KIAA1328: variants seen among roughly 807,000 people sequenced by gnomAD.
KIAA1328 encodes the protein protein hinderin.
A neutral mutation model predicts 68.1 loss-of-function variants in KIAA1328; 52 were observed. The ratio of observed to expected loss-of-function variants is 0.76; its 90% CI spans 0.61 to 0.96. The LOEUF is 0.96. KIAA1328 is among the 40% of genes least tolerant of loss of function. The probability of loss-of-function intolerance (pLI) is 0.00; values close to 1 mark genes in which losing one functional copy is unlikely to be tolerated. For synonymous variants in KIAA1328, 232 were observed against 239.4 expected (o/e 0.97, Z 0.28); for missense variants, 641 against 677.6 (o/e 0.95, Z 0.60).
chr18:36,931,479 C>T (rs770040408), intron 5 of KIAA1328, among the ~76,000 whole-genome samples: 6 of 151,908 alleles, frequency 3.9e-5, no homozygotes, highest in Non-Finnish European at 5.9e-5. Context: ...ACTGTTCCCC[C>T]GACCATACCA....
intron 6 of KIAA1328, among the ~76,000 whole-genome samples, chr18:37,034,162 G>A (rs972112133): frequency 2.0e-5 from 3 of 152,152 alleles, no homozygotes; most frequent in Non-Finnish European, 4.4e-5. Flanking sequence ...AGAGGAAAGT[G>A]TATCATGGGC....
At chr18:37,166,634 T>C (rs1568487457) in intron 8 of KIAA1328, among the ~76,000 whole-genome samples, 1 of 152,178 alleles carries the variant, frequency 6.6e-6, no homozygotes, top group Admixed American at 6.5e-5. Context: ...GAGCAGACCC[T>C]GTTCTCAAGG....
At chr18:37,144,727 G>A (rs950853904) in intron 7 of KIAA1328, among the ~76,000 whole-genome samples, 3 of 151,742 alleles carry the variant, frequency 2.0e-5, no homozygotes, top group South Asian at 2.1e-4. Flanking sequence ...TTGGGGTTTC[G>A]CCATGTTGCC....
intron 7 of KIAA1328, among the ~76,000 whole-genome samples, chr18:37,116,290 A>G (rs1481477126): frequency 6.6e-6 from 1 of 152,236 alleles, no homozygotes; most frequent in Admixed American, 6.5e-5. Flanking sequence ...CCAAAACAGC[A>G]TGGTACTGGT....
chr18:37,127,906 C>T (rs995883518), intron 7 of KIAA1328, among the ~76,000 whole-genome samples: 1 of 151,682 alleles, frequency 6.6e-6, no homozygotes, highest in African/African-American at 2.4e-5. Context: ...AGAAATAGGC[C>T]CACATATATA....
chr18:37,060,989 C>G (rs1452030523), intron 6 of KIAA1328, among the ~76,000 whole-genome samples: 2 of 152,212 alleles, frequency 1.3e-5, no homozygotes, highest in East Asian at 1.9e-4. Flanking sequence ...GTGGTGTGTG[C>G]CTGTAGTCCC....
chr18:37,041,199 A>C (rs1378085034), intron 6 of KIAA1328, among the ~76,000 whole-genome samples: 4 of 151,846 alleles, frequency 2.6e-5, no homozygotes, highest in African/African-American at 7.2e-5. Flanking sequence ...CAATTTTGTC[A>C]ATTTTTATTT....
At chr18:36,992,766 G>A (rs1424727827) in intron 6 of KIAA1328, among the ~76,000 whole-genome samples, 1 of 152,134 alleles carries the variant, frequency 6.6e-6, no homozygotes, top group Non-Finnish European at 1.5e-5. Flanking sequence ...GGCAGAGGGT[G>A]TAGCAGGTAT....
intron 6 of KIAA1328, among the ~76,000 whole-genome samples, chr18:37,055,447 G>A (rs2055870889): frequency 6.6e-6 from 1 of 152,210 alleles, no homozygotes; most frequent in African/African-American, 2.4e-5. Context: ...CATATGCTTA[G>A]AAGGTAATCT....
chr18:37,155,331 T>C (rs1416898067), intron 7 of KIAA1328, among the ~76,000 whole-genome samples: 2 of 152,200 alleles, frequency 1.3e-5, no homozygotes. Context: ...AATTACTTTC[T>C]TGAAATATCT....
intron 3 of KIAA1328, among the ~76,000 whole-genome samples, chr18:36,842,005 A>G (rs1230645007): frequency 3.5e-5 from 5 of 144,750 alleles, no homozygotes; most frequent in African/African-American, 1.3e-4. Flanking sequence ...ATTTCTTTTC[A>G]CCGTCTCGGG....
intron 8 of KIAA1328, among the ~76,000 whole-genome samples, chr18:37,167,624 C>T (rs2154212868): frequency 6.6e-6 from 1 of 152,114 alleles, no homozygotes; most frequent in South Asian, 2.1e-4. Flanking sequence ...CCGCTCCTCT[C>T]GATGTCCAGC....
At chr18:37,205,288 C>T (rs2060196331) in intron 9 of KIAA1328, among the ~76,000 whole-genome samples, 1 of 152,132 alleles carries the variant, frequency 6.6e-6, no homozygotes, top group Admixed American at 6.6e-5. Flanking sequence ...ACAAAAGCTG[C>T]CGTGGGGATA....
chr18:36,953,425 T>C (rs903089939), intron 5 of KIAA1328, among the ~76,000 whole-genome samples: 1 of 149,072 alleles, frequency 6.7e-6, no homozygotes, highest in African/African-American at 2.4e-5. Flanking sequence ...TAGATAGAGA[T>C]AGATAGATAT....
chr18:37,114,401 G>A (rs2151912214), intron 7 of KIAA1328, among the ~76,000 whole-genome samples: 1 of 152,328 alleles, frequency 6.6e-6, no homozygotes, highest in Middle Eastern at 3.4e-3. Flanking sequence ...ACCTGCTCCT[G>A]AGTGACTACT....
intron 7 of KIAA1328, among the ~76,000 whole-genome samples, chr18:37,094,046 A>G (rs998178813): frequency 3.3e-5 from 5 of 152,244 alleles, no homozygotes; most frequent in Admixed American, 1.3e-4. Flanking sequence ...TGTGGGGAGG[A>G]TGGTTTTGGG....
chr18:36,977,357 G>A (rs2052511000), intron 6 of KIAA1328, among the ~76,000 whole-genome samples: 1 of 152,126 alleles, frequency 6.6e-6, no homozygotes, highest in African/African-American at 2.4e-5. Context: ...TGTTGATTTT[G>A]TCAATCTATT....
chr18:36,849,466 G>C (rs987296386), intron 4 of KIAA1328, among the ~76,000 whole-genome samples: 6 of 151,822 alleles, frequency 4.0e-5, no homozygotes, highest in Non-Finnish European at 7.4e-5. Context: ...TCTGTTTTCT[G>C]TCTCTAAGGA....
intron 3 of KIAA1328, among the ~76,000 whole-genome samples, chr18:36,841,934 T>TC (rs986310596): frequency 5.3e-5 from 8 of 152,222 alleles, no homozygotes; most frequent in Non-Finnish European, 1.0e-4. Flanking sequence ...TGTTTTTTTT[T>TC]CCCTCTATGG....
Sources: gnomAD v4.1 joint callset for allele counts (sites outside exome capture counted in the v4.1 genomes callset) on GRCh38, gnomAD v4.1.1 for gene constraint, MANE v1.5 for transcripts, NCBI Gene and HGNC (gene_info 2026-07-23, HGNC 2026-07-21) for gene names.